The following PDGFC variants were observed in gnomAD, a reference collection of about 807,000 sequenced individuals.
The protein encoded by PDGFC is platelet-derived growth factor C.
In PDGFC, 12 loss-of-function variants were observed where a neutral mutation model predicts 35.5. The ratio of observed to expected loss-of-function variants is 0.34; its 90% CI spans 0.22 to 0.55. The LOEUF is 0.55. Among genes scored for constraint, PDGFC ranks in the 20% least tolerant of loss-of-function variants. The pLI is 0.91. For missense variants in PDGFC, 322 were observed against 412.4 expected, an observed-to-expected ratio of 0.78 and a Z score of 1.90; for synonymous variants, 159 against 148.8, an observed-to-expected ratio of 1.07 and a Z score of -0.50.
chr4:156,868,758 T>C (rs1395150640), intron 1 of PDGFC, among the ~76,000 whole-genome samples: 1 of 152,206 alleles, frequency 6.6e-6, no homozygotes, highest in Admixed American at 6.5e-5. Context: ...CTTCCTTTAC[T>C]ATCTTAGATA....
intron 2 of PDGFC, among the ~76,000 whole-genome samples, chr4:156,822,749 A>G (rs909054151): frequency 4.7e-5 from 7 of 150,162 alleles, no homozygotes; most frequent in African/African-American, 1.8e-4. Flanking sequence ...CAGAGCTCAT[A>G]TTCTCTTTTA....
chr4:156,815,727 A>G (rs968737505), intron 2 of PDGFC, among the ~76,000 whole-genome samples: 1 of 152,230 alleles, frequency 6.6e-6, no homozygotes, highest in African/African-American at 2.4e-5. Flanking sequence ...TGCCCAGGTG[A>G]CTGCTCTGGA....
Position 156,772,803 on chromosome 4 carries a change from A to C in PDGFC, c.586T>G (p.Leu196Val), listed in dbSNP as rs1193819404. The stretch of plus-strand genomic sequence containing the variant: ...TCAAGATATCGAATAAGGTCTTCCA[A>C]GGTACTAAAGGCAGTTATAGCATTA... ...LNNAITAFST[L>V]EDLIRYLEPE... is the part of the protein sequence containing the mutation. The change falls in exon 4 of 6, where the codon TTG becomes GTG. Residue 196 changes from leucine (L) to valine (V), a missense_variant. By Grantham distance (32) the Leu-to-Val change is conservative. Coordinates refer to ENST00000502773, the MANE Select transcript of PDGFC (RefSeq NM_016205.3). The C allele has an allele frequency of 6.2e-7, 1 of 1,612,966 alleles. No homozygotes were observed. Among genetic ancestry groups the C allele is most frequent in the Non-Finnish European group, 8.5e-7 (1 of 1,179,026 alleles).
chr4:156,803,519 T>C (rs999301791), intron 3 of PDGFC, among the ~76,000 whole-genome samples: 1 of 151,986 alleles, frequency 6.6e-6, no homozygotes, highest in Non-Finnish European at 1.5e-5. Flanking sequence ...AATCGATAGG[T>C]AATTTGTAAA....
intron 1 of PDGFC, among the ~76,000 whole-genome samples, chr4:156,855,830 T>C (rs1729561561): frequency 6.6e-6 from 1 of 152,162 alleles, no homozygotes; most frequent in South Asian, 2.1e-4. Flanking sequence ...CAACTGTTAG[T>C]TAAAATCATT....
chr4:156,892,757 T>C (rs1053611457), intron 1 of PDGFC, among the ~76,000 whole-genome samples: 3 of 152,214 alleles, frequency 2.0e-5, no homozygotes, highest in Non-Finnish European at 4.4e-5. Flanking sequence ...GCTGATGACA[T>C]AAATTGAACT....
At chr4:156,784,991 T>A (rs1366794911) in intron 3 of PDGFC, among the ~76,000 whole-genome samples, 1 of 152,254 alleles carries the variant, frequency 6.6e-6, no homozygotes, top group Non-Finnish European at 1.5e-5. Flanking sequence ...ATTGGAAGGC[T>A]GTTAAATAAA....
intron 2 of PDGFC, among the ~76,000 whole-genome samples, chr4:156,845,443 A>G (rs1411250357): frequency 1.3e-4 from 19 of 151,790 alleles, no homozygotes; most frequent in Non-Finnish European, 3.0e-5. Context: ...GCTTTGTGGA[A>G]AATTATTCAT....
intron 5 of PDGFC, among the ~76,000 whole-genome samples, chr4:156,767,148 A>C (rs1216894103): frequency 6.6e-6 from 1 of 152,066 alleles, no homozygotes; most frequent in Non-Finnish European, 1.5e-5. Context: ...TCCATCACTA[A>C]GAAAAACATT....
intron 1 of PDGFC, among the ~76,000 whole-genome samples, chr4:156,940,369 T>C (rs1731777222): frequency 6.6e-6 from 1 of 152,268 alleles, no homozygotes; most frequent in African/African-American, 2.4e-5. Flanking sequence ...ATGAAATATA[T>C]ATTCAACACT....
chr4:156,890,067 T>C (rs1730467260), intron 1 of PDGFC, among the ~76,000 whole-genome samples: 1 of 152,084 alleles, frequency 6.6e-6, no homozygotes, highest in South Asian at 2.1e-4. Flanking sequence ...GTATTAAATA[T>C]CTACACCTTG....
chr4:156,896,998 C>A (rs575312976), intron 1 of PDGFC, among the ~76,000 whole-genome samples: 1 of 152,244 alleles, frequency 6.6e-6, no homozygotes, highest in Admixed American at 6.5e-5. Flanking sequence ...TGATCTCACT[C>A]ACTTTATGAG....
chr4:156,783,653 C>T lies in PDGFC; in HGVS notation c.496-10760G>A, dbSNP rs541568468. 9.3e-4 allele frequency among the ~76,000 whole-genome samples: 141 copies of T among 152,242 alleles called. No individual in the cohort carries two copies. The South Asian group carries it at 0.017, about 19-fold the overall frequency. On this transcript the variant is annotated intron_variant, in intron 3 of 5. Transcript: ENST00000502773. ...TCCACCATTCTGTTCATATGTCTAG[C>T]ACTACATCAAATTGAAATTGTTGTA...
chr4:156,893,171 GA>G (rs533737492), intron 1 of PDGFC, among the ~76,000 whole-genome samples: 4 of 151,732 alleles, frequency 2.6e-5, no homozygotes, highest in South Asian at 2.1e-4. Flanking sequence ...GAATTTTAAT[GA>G]AAAAAAGGAA....
At chr4:156,854,781 C>T (rs1729535020) in intron 1 of PDGFC, among the ~76,000 whole-genome samples, 1 of 151,912 alleles carries the variant, frequency 6.6e-6, no homozygotes, top group African/African-American at 2.4e-5. Flanking sequence ...ATTTGCTTTT[C>T]CTATATCCAA....
At chr4:156,913,020 A>T (rs1490399460) in intron 1 of PDGFC, among the ~76,000 whole-genome samples, 1 of 152,106 alleles carries the variant, frequency 6.6e-6, no homozygotes, top group Admixed American at 6.6e-5. Flanking sequence ...CTCATGATCC[A>T]CTAACAGGAA....
intron 5 of PDGFC, among the ~76,000 whole-genome samples, chr4:156,765,339 C>T (rs191746871): frequency 3.3e-5 from 5 of 151,990 alleles, no homozygotes; most frequent in Admixed American, 6.6e-5. Context: ...AAAATTTAGA[C>T]GGAGAGGTTG....
At chr4:156,877,604 T>A (rs900869144) in intron 1 of PDGFC, among the ~76,000 whole-genome samples, 3 of 152,198 alleles carry the variant, frequency 2.0e-5, no homozygotes, top group African/African-American at 7.2e-5. Context: ...TTCGAGGCAC[T>A]GTGGTAGTTA....
At chr4:156,872,711 A>G (rs1052011584) in intron 1 of PDGFC, among the ~76,000 whole-genome samples, 2 of 152,222 alleles carry the variant, frequency 1.3e-5, no homozygotes, top group Admixed American at 6.5e-5. Flanking sequence ...ATAATCTCAA[A>G]TGACTTGACC....
Sources: allele counts gnomAD v4.1 joint callset (sites outside exome capture counted in the v4.1 genomes callset), GRCh38; gene constraint gnomAD v4.1.1; transcripts MANE v1.5; gene names NCBI Gene and HGNC (gene_info 2026-07-23, HGNC 2026-07-21).